LTBP1: variants seen among roughly 807,000 people sequenced by gnomAD.
The protein encoded by LTBP1 is latent transforming growth factor beta binding protein 1, also known as latent-transforming growth factor beta-binding protein 1.
Under a neutral mutation model 207.6 loss-of-function variants are expected in LTBP1, and 129 were observed. The ratio of observed to expected loss-of-function variants is 0.62; its 90% CI spans 0.54 to 0.72. The LOEUF (loss-of-function observed/expected upper bound fraction) is 0.72, where lower values mean the gene tolerates loss of function less well. Among genes scored for constraint, LTBP1 ranks in the 30% least tolerant of loss-of-function variants. The pLI, the probability that LTBP1 is intolerant of heterozygous loss-of-function variation, is 0.00. For synonymous variants in LTBP1, 963 were observed against 833.7 expected (o/e 1.16, Z -2.67); for missense variants, 2,281 against 2,217.2 (o/e 1.03, Z -0.58).
At chr2:33,132,707 C>T (rs992155223) in intron 4 of LTBP1, among the ~76,000 whole-genome samples, 7 of 152,134 alleles carry the variant, frequency 4.6e-5, no homozygotes, top group Admixed American at 3.9e-4. Context: ...TTAGAACCAC[C>T]GGTGAAGGAG....
chr2:33,002,683 C>CT (rs145604501), intron 2 of LTBP1, among the ~76,000 whole-genome samples: 10,805 of 149,526 alleles, frequency 0.072, 407 homozygotes, highest in Middle Eastern at 0.093. Context: ...GTTTTGTTTT[C>CT]TTTTTTTTTT....
Position 33,115,037 on chromosome 2 carries a change from TACACACAC to T in LTBP1, c.1033+4315_1033+4322del, listed in dbSNP as rs60544598. Among the ~76,000 whole-genome samples, 979 of 145,208 alleles carry T rather than the reference TACACACAC, an allele frequency of 6.7e-3. 5 individuals carry two copies. The highest frequency in any genetic ancestry group is 0.015 in the African/African-American group (580 of 38,450). Reference sequence around the variant, plus strand: ...ATGAAGGGATAAACAAACAGATATATACACACACACACACACACACACACACACACACA... The same window carrying T: ...ATGAAGGGATAAACAAACAGATATATACACACACACACACACACACACACA... On this transcript the variant is annotated intron_variant, in intron 4 of 33. Transcript: ENST00000404816.
At position 32,948,884 on chromosome 2, in the gene LTBP1, CTG is replaced by C; in HGVS notation, c.507_508del (p.Cys169TrpfsTer10). On this transcript the variant is annotated frameshift_variant, in exon 2 of 34. Transcript: ENST00000404816. LOFTEE classifies it high-confidence loss of function. The part of the protein sequence containing the change: ...QKQQLQGVNV[C>X]GGRCCHGWSK... Reference sequence around the variant, plus strand: ...TCTTGCTTTGTTTCAGGGTCAATGTCTGTGGAGGGCGGTGCTGTCATGGCTGG... The same window carrying C: ...TCTTGCTTTGTTTCAGGGTCAATGTCTGGAGGGCGGTGCTGTCATGGCTGG... 1 of 1,614,148 alleles carries C rather than the reference CTG, an allele frequency of 6.2e-7. No individual in the cohort carries two copies. The highest frequency in any genetic ancestry group is 8.5e-7 in the Non-Finnish European group (1 of 1,180,028).
chr2:33,277,813 T>TTTTC lies in LTBP1; in HGVS notation c.2992+1906_2992+1909dup, dbSNP rs1478928974. Among the ~76,000 whole-genome samples the TTTTC allele has an allele frequency of 9.7e-5, 7 of 71,796 alleles. No homozygotes were observed. In the South Asian group the frequency reaches 2.0e-3, roughly 21 times the overall value. The allele number at this position is 71,796 out of a possible 152,430, so 47.1% of individuals were successfully genotyped here. Reference sequence around the variant, plus strand: ...TCTTTCTTTCTCTCTCTCTTTCTTTTTTTCTTTCTTTCTTTCTTTTTTTTT... The same window carrying TTTTC: ...TCTTTCTTTCTCTCTCTCTTTCTTTTTTTCTTTCTTTCTTTCTTTCTTTTTTTTT... On this transcript the variant is annotated intron_variant, in intron 18 of 33. Transcript: ENST00000404816.
intron 3 of LTBP1, among the ~76,000 whole-genome samples, chr2:33,023,927 A>G (rs1421541517): frequency 6.6e-6 from 1 of 152,200 alleles, no homozygotes; most frequent in East Asian, 1.9e-4. Flanking sequence ...CTATTTTAGG[A>G]TATTTCAGGT....
At chr2:33,283,879 C>G (rs1307549025) in intron 19 of LTBP1, among the ~76,000 whole-genome samples, 1 of 152,150 alleles carries the variant, frequency 6.6e-6, no homozygotes, top group Admixed American at 6.5e-5. Context: ...TCTAACTCTC[C>G]TCTCACTGAG....
chr2:33,172,419 A>G (rs1271227181), intron 5 of LTBP1, among the ~76,000 whole-genome samples: 1 of 152,206 alleles, frequency 6.6e-6, no homozygotes, highest in Non-Finnish European at 1.5e-5. Flanking sequence ...GCCATTACAT[A>G]ATGGTAAAGG....
At chr2:33,221,814 A>G (rs2091126678) in intron 8 of LTBP1, among the ~76,000 whole-genome samples, 1 of 152,202 alleles carries the variant, frequency 6.6e-6, no homozygotes, top group South Asian at 2.1e-4. Context: ...CACTAATTAG[A>G]AGAAAATGTA....
At chr2:33,294,298 G>A (rs891277949) in intron 20 of LTBP1, among the ~76,000 whole-genome samples, 7 of 152,078 alleles carry the variant, frequency 4.6e-5, no homozygotes, top group Admixed American at 3.3e-4. Flanking sequence ...CTGGGTTCTA[G>A]CGAATCTCCT....
At chr2:33,327,359 A>G (rs773039278) in intron 24 of LTBP1, among the ~76,000 whole-genome samples, 7 of 152,192 alleles carry the variant, frequency 4.6e-5, no homozygotes, top group African/African-American at 9.7e-5. Context: ...ATATATAACA[A>G]TGCTGTTATA....
intron 2 of LTBP1, among the ~76,000 whole-genome samples, chr2:32,999,244 T>A (rs375281449): frequency 4.6e-5 from 7 of 152,228 alleles, no homozygotes; most frequent in African/African-American, 1.7e-4. Flanking sequence ...TTTAGTGAGA[T>A]CTGTGCATAT....
chr2:33,104,552 A>G (rs2079942653), intron 3 of LTBP1, among the ~76,000 whole-genome samples: 1 of 152,056 alleles, frequency 6.6e-6, no homozygotes, highest in Non-Finnish European at 1.5e-5. Flanking sequence ...GCTTCCTCCT[A>G]GAAACTTTCT....
chr2:33,294,686 C>G (rs904035324), intron 20 of LTBP1, among the ~76,000 whole-genome samples: 5 of 149,298 alleles, frequency 3.3e-5, no homozygotes, highest in African/African-American at 1.2e-4. Flanking sequence ...TCAAGCGATT[C>G]TCCTGCCTCA....
chr2:33,170,394 G>C (rs1370760884), intron 5 of LTBP1, among the ~76,000 whole-genome samples: 1 of 151,986 alleles, frequency 6.6e-6, no homozygotes, highest in South Asian at 2.1e-4. Context: ...ATAGAGTCTC[G>C]CTGATTGCTA....
At chr2:33,024,877 G>T (rs1444021123) in intron 3 of LTBP1, among the ~76,000 whole-genome samples, 5 of 152,136 alleles carry the variant, frequency 3.3e-5, no homozygotes, top group East Asian at 3.8e-4. Context: ...GGAATCCAGG[G>T]GCTGCAGCCA....
chr2:33,108,279 T>TG (rs1558646557), intron 3 of LTBP1, among the ~76,000 whole-genome samples: 1 of 146,840 alleles, frequency 6.8e-6, no homozygotes, highest in African/African-American at 2.5e-5. Flanking sequence ...ACGCACCTCA[T>TG]GGGGGGAAGC....
At chr2:33,280,672 C>T (rs1322239500) in intron 19 of LTBP1, among the ~76,000 whole-genome samples, 1 of 152,130 alleles carries the variant, frequency 6.6e-6, no homozygotes, top group Non-Finnish European at 1.5e-5. Context: ...AATCTTTTTC[C>T]CTAAAACTTG....
At chr2:33,151,706 A>G (rs894413041) in intron 5 of LTBP1, among the ~76,000 whole-genome samples, 3 of 152,122 alleles carry the variant, frequency 2.0e-5, no homozygotes, top group African/African-American at 4.8e-5. Flanking sequence ...CAGTGAAAAC[A>G]TACGATGTTT....
rs763248144 is a variant in LTBP1 at position 33,398,594 on chromosome 2, A to G, written c.*49A>G. 36 of 1,508,236 alleles carry G rather than the reference A, an allele frequency of 2.4e-5. No individual in the cohort carries two copies. In the Admixed American group the frequency reaches 7.1e-4, roughly 30 times the overall value. The allele number at this position is 1,508,236 out of a possible 1,614,324, so 93.4% of individuals were successfully genotyped here. A position where few individuals can be genotyped will look rare whatever the true frequency, so the allele number is the denominator to read the frequency against. Reference sequence around the variant, plus strand: ...CCATATACTCTGCACTGTGTAAAGGAAAAGGGAGAAATGTATTATACTTGA... The same window carrying G: ...CCATATACTCTGCACTGTGTAAAGGGAAAGGGAGAAATGTATTATACTTGA... On this transcript the variant is annotated 3_prime_UTR_variant, in exon 34 of 34. Coordinates refer to ENST00000404816, the MANE Select transcript of LTBP1 (RefSeq NM_206943.4).
Sources: allele counts gnomAD v4.1 joint callset (sites outside exome capture counted in the v4.1 genomes callset), GRCh38; gene constraint gnomAD v4.1.1; transcripts MANE v1.5; gene names NCBI Gene and HGNC (gene_info 2026-07-23, HGNC 2026-07-21).